UGGT2: variants seen among roughly 807,000 people sequenced by gnomAD.
UGGT2 encodes UDP-glucose glycoprotein glucosyltransferase 2, also known as UDP-glucose:glycoprotein glucosyltransferase 2.
A neutral mutation model predicts 192.1 loss-of-function variants in UGGT2; 180 were observed. That is an observed-to-expected ratio of 0.94 (90% CI 0.83 to 1.06). The LOEUF is 1.06. Ranked by LOEUF, UGGT2 falls within the 50% of genes least tolerant of loss-of-function variation. The pLI is 0.00. For missense variants in UGGT2, 1,849 were observed against 1,795.7 expected (o/e 1.03, Z -0.54); for synonymous variants, 580 against 591.0 (o/e 0.98, Z 0.27).
At position 95,947,454 on chromosome 13, in the gene UGGT2, A is replaced by ATTTT. The variant is rs67261345; in HGVS notation, c.1542-286_1542-283dup. On this transcript the variant is annotated intron_variant, in intron 14 of 38. Coordinates refer to ENST00000376747, the MANE Select transcript of UGGT2 (RefSeq NM_020121.4). The stretch of plus-strand genomic sequence containing the variant: ...CAAAAAGGGTAAATATACTCTTTTT[A>ATTTT]TTTTTATTTTTTTTGAGACAAGAGT... Among the ~76,000 whole-genome samples, 2 of 145,744 alleles carry ATTTT rather than the reference A, an allele frequency of 1.4e-5. 1 individual carries two copies.
chr13:96,038,747 C>CA (rs34661370), intron 1 of UGGT2, among the ~76,000 whole-genome samples: 147,881 of 152,174 alleles, frequency 0.97, 72,004 homozygotes, highest in East Asian at 1. Context: ...CTCTAGCCCC[C>CA]AAAGCCCCCA....
intron 22 of UGGT2, among the ~76,000 whole-genome samples, chr13:95,899,036 G>T (rs1467526529): frequency 6.6e-6 from 1 of 152,132 alleles, no homozygotes; most frequent in African/African-American, 2.4e-5. Flanking sequence ...AAGCCACGAG[G>T]GCTCTGCCCT....
intron 34 of UGGT2, among the ~76,000 whole-genome samples, 159 bp downstream of exon 34, chr13:95,855,995 TCTGA>T: frequency 6.6e-6 from 1 of 152,286 alleles, no homozygotes; most frequent in African/African-American, 2.4e-5. Flanking sequence ...CCCCTGGAAT[TCTGA>T]CTTTTTGTTT....
intron 25 of UGGT2, 48 bp downstream of exon 25, chr13:95,890,814 T>G (rs375327057): frequency 2.5e-5 from 36 of 1,443,436 alleles, no homozygotes; most frequent in Middle Eastern, 3.6e-4. Context: ...CTTGAAAAAA[T>G]TATGAATTTA....
Position 96,049,646 on chromosome 13 carries a change from T to G in UGGT2, c.158+3509A>C, listed in dbSNP as rs139579518. ...TTCAGCAAAGTCTCAGGATACAAAA[T>G]CAATGTACAAAAATCACAAGCATTG... On this transcript the variant is annotated intron_variant, in intron 1 of 38. Coordinates refer to ENST00000376747, the MANE Select transcript of UGGT2 (RefSeq NM_020121.4). Among the ~76,000 whole-genome samples the G allele has an allele frequency of 5.1e-3, 784 of 152,256 alleles. 11 individuals carry two copies. The highest frequency in any genetic ancestry group is 0.018 in the African/African-American group (752 of 41,536).
intron 34 of UGGT2, 63 bp from the exon 35 acceptor site, chr13:95,854,538 G>C: frequency 7.2e-7 from 1 of 1,382,196 alleles, no homozygotes; most frequent in Non-Finnish European, 9.6e-7. Context: ...TTTTTTATGG[G>C]AATCTCAAAT....
At chr13:95,887,363 A>G (rs1483826858) in intron 26 of UGGT2, 1 of 492,014 alleles carries the variant, frequency 2.0e-6, no homozygotes, top group Non-Finnish European at 4.1e-6. Context: ...TCTGATCCAC[A>G]AAGAAGAGAA....
chr13:95,985,847 A>G (rs1016242831), intron 9 of UGGT2, among the ~76,000 whole-genome samples: 2 of 152,156 alleles, frequency 1.3e-5, no homozygotes, highest in Admixed American at 1.3e-4. Flanking sequence ...AAGCAGTTCA[A>G]CGAGACATCC....
chr13:95,977,387 G>A (rs756784706), intron 10 of UGGT2, among the ~76,000 whole-genome samples: 1 of 152,070 alleles, frequency 6.6e-6, no homozygotes, highest in Non-Finnish European at 1.5e-5. Flanking sequence ...GAAAGTGGGC[G>A]AAGGATATGA....
chr13:95,922,431 T>C (rs1453242944), intron 20 of UGGT2, among the ~76,000 whole-genome samples: 1 of 144,912 alleles, frequency 6.9e-6, no homozygotes, highest in Non-Finnish European at 1.6e-5. Context: ...ATGTAACAAA[T>C]CTCCACATGT....
intron 20 of UGGT2, among the ~76,000 whole-genome samples, chr13:95,904,764 A>G (rs1025412150): frequency 2.0e-5 from 3 of 152,088 alleles, no homozygotes; most frequent in African/African-American, 7.2e-5. Context: ...ATATGTGTGC[A>G]TGTGTCTTTA....
At chr13:95,898,784 T>C (rs1219412303) in intron 22 of UGGT2, among the ~76,000 whole-genome samples, 1 of 152,138 alleles carries the variant, frequency 6.6e-6, no homozygotes, top group African/African-American at 2.4e-5. Flanking sequence ...TTCTGCCGTA[T>C]GAGGATGCAG....
intron 20 of UGGT2, among the ~76,000 whole-genome samples, chr13:95,903,304 C>A (rs2048166656): frequency 6.6e-6 from 1 of 151,854 alleles, no homozygotes; most frequent in South Asian, 2.1e-4. Context: ...TATATTTAAG[C>A]TTTTTGTATG....
intron 36 of UGGT2, among the ~76,000 whole-genome samples, chr13:95,839,338 TTC>T (rs1293188485): frequency 7.2e-5 from 11 of 152,228 alleles, no homozygotes; most frequent in African/African-American, 2.6e-4. Context: ...ATAATCTACT[TTC>T]TGTCTCTACG....
At chr13:96,037,738 C>T (rs1011485952) in intron 1 of UGGT2, among the ~76,000 whole-genome samples, 2 of 152,188 alleles carry the variant, frequency 1.3e-5, no homozygotes, top group Non-Finnish European at 2.9e-5. Context: ...TTCCTATCTG[C>T]CCAGCTCCTT....
At chr13:96,045,464 T>C (rs997775451) in intron 1 of UGGT2, among the ~76,000 whole-genome samples, 1 of 152,072 alleles carries the variant, frequency 6.6e-6, no homozygotes, top group African/African-American at 2.4e-5. Context: ...CTATTCAACA[T>C]AGTAATGGAA....
Position 95,936,957 on chromosome 13 carries a change from A to T in UGGT2, c.1944T>A (p.Asp648Glu). ...LKMAVLQRMM[D>E]ASVYLQREVF... ...CTTCTCTTTGTAAATATACAGATGC[A>T]TCCATCATTCTTTGAAGAACAGCCA... Residue 648 changes from aspartate (D) to glutamate (E), a missense_variant, in exon 17 of 39, where the codon GAT (aspartate) becomes GAA (glutamate). By Grantham distance (45) the Asp-to-Glu change is conservative (BLOSUM62 2). Coordinates refer to ENST00000376747, the MANE Select transcript of UGGT2 (RefSeq NM_020121.4). 1 of 1,592,086 alleles carries T rather than the reference A, an allele frequency of 6.3e-7. No homozygotes were observed. Among genetic ancestry groups the T allele is most frequent in the Non-Finnish European group, 8.5e-7 (1 of 1,174,716 alleles).
chr13:95,838,617 T>TA (rs1259731675), intron 36 of UGGT2, among the ~76,000 whole-genome samples: 1 of 152,066 alleles, frequency 6.6e-6, no homozygotes, highest in African/African-American at 2.4e-5. Flanking sequence ...TGGAACACAA[T>TA]AAAGAGCCCA....
intron 38 of UGGT2, among the ~76,000 whole-genome samples, chr13:95,810,097 C>G (rs930541700): frequency 6.6e-6 from 1 of 152,110 alleles, no homozygotes. Flanking sequence ...CCACATGTGA[C>G]GACCTCAATC....
Sources: allele counts gnomAD v4.1 joint callset (sites outside exome capture counted in the v4.1 genomes callset), GRCh38; gene constraint gnomAD v4.1.1; transcripts MANE v1.5; gene names NCBI Gene and HGNC (gene_info 2026-07-23, HGNC 2026-07-21).